Variants in UBTD2 observed in about 807,000 individuals in gnomAD.
The protein encoded by UBTD2 is ubiquitin domain containing 2, also known as ubiquitin domain-containing protein 2.
A neutral mutation model predicts 19.8 loss-of-function variants in UBTD2; 9 were observed. The ratio of observed to expected loss-of-function variants is 0.46; its 90% CI spans 0.27 to 0.79. UBTD2 has a LOEUF of 0.79. Ranked by LOEUF, UBTD2 falls within the 30% of genes least tolerant of loss-of-function variation. The pLI, the probability that UBTD2 is intolerant of heterozygous loss-of-function variation, is 0.14. For missense variants in UBTD2, 250 were observed against 300.4 expected (o/e 0.83, Z 1.24); for synonymous variants, 98 against 103.9 (o/e 0.94, Z 0.35).
At chr5:172,257,418 G>A (rs1755178507) in intron 1 of UBTD2, among the ~76,000 whole-genome samples, 1 of 152,108 alleles carries the variant, frequency 6.6e-6, no homozygotes. Context: ...CCATGTCTTT[G>A]CTATTGGGAA....
intron 1 of UBTD2, among the ~76,000 whole-genome samples, chr5:172,235,829 T>C (rs1330228207): frequency 1.3e-5 from 2 of 151,938 alleles, no homozygotes; most frequent in African/African-American, 4.8e-5. Context: ...AGAAAGAAAA[T>C]TGAAGCTGGA....
intron 1 of UBTD2, among the ~76,000 whole-genome samples, chr5:172,271,345 C>T (rs1254765085): frequency 2.0e-5 from 3 of 151,218 alleles, no homozygotes; most frequent in African/African-American, 7.3e-5. Flanking sequence ...AGGAGAATGG[C>T]GTGACCCCAG....
intron 1 of UBTD2, among the ~76,000 whole-genome samples, chr5:172,236,281 A>C (rs1030854894): frequency 1.3e-5 from 2 of 152,252 alleles, no homozygotes; most frequent in Non-Finnish European, 2.9e-5. Context: ...AGGGTGAGGA[A>C]GCAGAATAGG....
chr5:172,281,370 C>A (rs1755711973), intron 1 of UBTD2, among the ~76,000 whole-genome samples: 2 of 152,188 alleles, frequency 1.3e-5, no homozygotes, highest in African/African-American at 4.8e-5. Flanking sequence ...CGGTGGCATG[C>A]ACCTCGTGGT....
chr5:172,281,095 T>C (rs995862555), intron 1 of UBTD2, among the ~76,000 whole-genome samples: 1 of 152,198 alleles, frequency 6.6e-6, no homozygotes, highest in Admixed American at 6.5e-5. Context: ...AGACAGAGTC[T>C]CACTATGTTG....
In UBTD2 at chr5:172,281,460, T is replaced by C. The variant is rs147368331; in HGVS notation, c.70+2136A>G. On this transcript the variant is annotated intron_variant, in intron 1 of 2. Transcript: ENST00000393792. Reference sequence around the variant, plus strand: ...GCTGCAGTGAGCTGTGATCTGGCACTGCACTCCAGCTTGGGCGATAAAGCA... The same window carrying C: ...GCTGCAGTGAGCTGTGATCTGGCACCGCACTCCAGCTTGGGCGATAAAGCA... Among the ~76,000 whole-genome samples the C allele has an allele frequency of 2.6e-3, 389 of 152,274 alleles. 3 individuals are homozygous for C. The highest frequency in any genetic ancestry group is 9.0e-3 in the African/African-American group (375 of 41,562).
At chr5:172,254,977 G>A (rs1755109357) in intron 1 of UBTD2, 1 of 565,784 alleles carries the variant, frequency 1.8e-6, no homozygotes, top group Non-Finnish European at 3.5e-6. Context: ...ACATAAAGGG[G>A]ATGGGCTGCA....
intron 1 of UBTD2, among the ~76,000 whole-genome samples, chr5:172,244,859 G>A (rs938760702): frequency 2.0e-5 from 3 of 151,860 alleles, no homozygotes; most frequent in African/African-American, 7.3e-5. Flanking sequence ...CTCCCGAGTA[G>A]CTGAGATTAC....
intron 2 of UBTD2, among the ~76,000 whole-genome samples, chr5:172,218,793 A>T (rs1489743699): frequency 1.4e-5 from 2 of 141,598 alleles, no homozygotes; most frequent in Non-Finnish European, 3.0e-5. Flanking sequence ...AAAAAAATAA[A>T]AAAATAAAAA....
At chr5:172,270,456 A>C (rs1012053366) in intron 1 of UBTD2, among the ~76,000 whole-genome samples, 2 of 149,822 alleles carry the variant, frequency 1.3e-5, no homozygotes, top group Non-Finnish European at 3.0e-5. Flanking sequence ...CCCGGGTTCA[A>C]GCAATTCCCC....
At chr5:172,278,502 T>A (rs1755650860) in intron 1 of UBTD2, among the ~76,000 whole-genome samples, 1 of 143,666 alleles carries the variant, frequency 7.0e-6, no homozygotes, top group African/African-American at 2.6e-5. Context: ...CTAGGCAGAG[T>A]GAGACTCTGC....
intron 2 of UBTD2, 33 bp from the exon 3 acceptor site, chr5:172,212,260 A>T (rs1299969249): frequency 9.1e-6 from 14 of 1,545,366 alleles, no homozygotes; most frequent in Non-Finnish European, 1.2e-5. Flanking sequence ...TAAGAACTTA[A>T]TCCTTAATGA....
chr5:172,245,141 G>A (rs1754850323), intron 1 of UBTD2, among the ~76,000 whole-genome samples: 1 of 152,166 alleles, frequency 6.6e-6, no homozygotes, highest in African/African-American at 2.4e-5. Context: ...TGTGGAATAT[G>A]AGGAAAATAT....
chr5:172,254,473 TATGTTTTCCTAA>T (rs1755098694), intron 1 of UBTD2: 1 of 510,872 alleles, frequency 2.0e-6, no homozygotes, highest in Admixed American at 3.3e-5. Flanking sequence ...TTGATTCCAG[TATGTTTTCCTAA>T]ATGTCTTTTT....
intron 1 of UBTD2, among the ~76,000 whole-genome samples, chr5:172,237,150 A>G (rs1772027813): frequency 6.6e-6 from 1 of 152,182 alleles, no homozygotes; most frequent in Non-Finnish European, 1.5e-5. Context: ...GCTGGAGTGC[A>G]CTGGTGCAAC....
At chr5:172,255,491 A>G (rs977007856) in intron 1 of UBTD2, 1 of 354,252 alleles carries the variant, frequency 2.8e-6, no homozygotes, top group Non-Finnish European at 5.8e-6. Flanking sequence ...GTGGTTAGGG[A>G]CGCCGCCCAC....
intron 2 of UBTD2, among the ~76,000 whole-genome samples, chr5:172,216,631 GA>G (rs913430242): frequency 7.0e-5 from 10 of 142,956 alleles, no homozygotes; most frequent in Non-Finnish European, 9.2e-5. Context: ...CCAGAGGGGG[GA>G]AAAAACAGCT....
chr5:172,278,019 A>T (rs934743262), intron 1 of UBTD2, among the ~76,000 whole-genome samples: 14 of 152,222 alleles, frequency 9.2e-5, no homozygotes, highest in African/African-American at 3.4e-4. Context: ...TAATTTAAAA[A>T]ATGGAATATA....
At chr5:172,272,931 T>C (rs374211555) in intron 1 of UBTD2, among the ~76,000 whole-genome samples, 17 of 151,892 alleles carry the variant, frequency 1.1e-4, no homozygotes, top group Admixed American at 9.9e-4. Flanking sequence ...ATACAAAAAT[T>C]AGCTGGGCGT....
Sources: gnomAD v4.1 joint callset for allele counts (sites outside exome capture counted in the v4.1 genomes callset) on GRCh38, gnomAD v4.1.1 for gene constraint, MANE v1.5 for transcripts, NCBI Gene and HGNC (gene_info 2026-07-23, HGNC 2026-07-21) for gene names.